The following NMNAT2 variants were observed in gnomAD, a reference collection of about 807,000 sequenced individuals.
NMNAT2 encodes the protein nicotinamide/nicotinic acid mononucleotide adenylyltransferase 2.
A neutral mutation model predicts 41.6 loss-of-function variants in NMNAT2; 11 were observed. The observed-to-expected ratio is 0.26, with a 90% CI of 0.17 to 0.44. NMNAT2 has a LOEUF of 0.44. Among genes scored for constraint, NMNAT2 ranks in the 20% least tolerant of loss-of-function variants. NMNAT2 has a pLI of 1.00. For missense variants in NMNAT2, 288 were observed against 407.7 expected (o/e 0.71, Z 2.53); for synonymous variants, 148 against 151.2 (o/e 0.98, Z 0.16).
intron 1 of NMNAT2, among the ~76,000 whole-genome samples, chr1:183,395,742 C>A (rs149277573): frequency 6.6e-6 from 1 of 152,270 alleles, no homozygotes; most frequent in East Asian, 1.9e-4. Flanking sequence ...GGAGGTGTTA[C>A]ACTTTTTACA....
At chr1:183,380,062 A>G (rs1663770709) in intron 1 of NMNAT2, among the ~76,000 whole-genome samples, 1 of 152,210 alleles carries the variant, frequency 6.6e-6, no homozygotes, top group South Asian at 2.1e-4. Context: ...TGGGTTTACC[A>G]TAGGGTTATT....
At chr1:183,260,924 A>G in intron 10 of NMNAT2, 78 bp downstream of exon 10, 1 of 1,136,846 alleles carries the variant, frequency 8.8e-7, no homozygotes, top group Non-Finnish European at 1.3e-6. Context: ...TCTTAGGGTC[A>G]TCTTTGATGG....
chr1:183,370,993 C>T (rs1171648798), intron 1 of NMNAT2, among the ~76,000 whole-genome samples: 3 of 152,076 alleles, frequency 2.0e-5, no homozygotes, highest in Non-Finnish European at 4.4e-5. Context: ...GACCACGGTG[C>T]GCCGCATGTT....
At chr1:183,277,051 A>C (rs1661139135) in intron 8 of NMNAT2, among the ~76,000 whole-genome samples, 1 of 152,122 alleles carries the variant, frequency 6.6e-6, no homozygotes, top group Non-Finnish European at 1.5e-5. Context: ...TTCACTTATT[A>C]TCTTTGCTGA....
At chr1:183,278,527 T>C in intron 8 of NMNAT2, 26 bp downstream of exon 8, 1 of 1,553,702 alleles carries the variant, frequency 6.4e-7, no homozygotes, top group Non-Finnish European at 8.9e-7. Context: ...CCCAGCTGGG[T>C]GCCAGGCAAT....
At chr1:183,303,241 G>C (rs1352087099) in intron 1 of NMNAT2, among the ~76,000 whole-genome samples, 1 of 152,188 alleles carries the variant, frequency 6.6e-6, no homozygotes, top group African/African-American at 2.4e-5. Context: ...AGGGGAAGAG[G>C]CTAGCTGAGA....
chr1:183,351,319 A>G lies in NMNAT2; in HGVS notation c.86-57526T>C, dbSNP rs1663042306. ...CCCAACCTTCCCCTTACAATTCTTC[A>G]TATGGGCCACAGGGCTCAGCTTTTT... On this transcript the variant is annotated intron_variant, in intron 1 of 10. Transcript: ENST00000287713. Among the ~76,000 whole-genome samples, 8 of 152,166 alleles carry G rather than the reference A, an allele frequency of 5.3e-5. 1 individual carries two copies. The South Asian group carries it at 1.7e-3, about 32-fold the overall frequency.
intron 1 of NMNAT2, among the ~76,000 whole-genome samples, chr1:183,331,303 C>T (rs759439273): frequency 6.6e-6 from 1 of 152,144 alleles, no homozygotes; most frequent in Non-Finnish European, 1.5e-5. Flanking sequence ...GTTGCCAAAG[C>T]CTGTTTTTCA....
In NMNAT2 at chr1:183,403,272, A is replaced by T. The variant is rs1289815112; in HGVS notation, c.85+14911T>A. Among the ~76,000 whole-genome samples the T allele has an allele frequency of 3.3e-5, 5 of 152,196 alleles. No homozygotes were observed. The East Asian group carries it at 9.7e-4, about 29-fold the overall frequency. ...TCTTATTCCTCTTTTCTCCCTCCCAAACTTTTCAAGGCTGCAGAAACATGT... is the reference window on the plus strand; with the variant it reads ...TCTTATTCCTCTTTTCTCCCTCCCATACTTTTCAAGGCTGCAGAAACATGT... On this transcript the variant is annotated intron_variant, in intron 1 of 10. Transcript: ENST00000287713.
At chr1:183,346,900 C>G (rs1229478815) in intron 1 of NMNAT2, among the ~76,000 whole-genome samples, 1 of 152,120 alleles carries the variant, frequency 6.6e-6, no homozygotes, top group Non-Finnish European at 1.5e-5. Context: ...AGTCATTTCT[C>G]ACCCCTTTTC....
intron 10 of NMNAT2, among the ~76,000 whole-genome samples, chr1:183,256,731 C>G (rs936234104): frequency 2.0e-5 from 3 of 152,150 alleles, no homozygotes; most frequent in Non-Finnish European, 2.9e-5. Context: ...TACATCAATG[C>G]TCATCAGAAA....
intron 1 of NMNAT2, among the ~76,000 whole-genome samples, chr1:183,357,476 G>A (rs1260658341): frequency 2.6e-5 from 4 of 151,952 alleles, no homozygotes; most frequent in South Asian, 2.1e-4. Context: ...TGATCCACCC[G>A]CCTTGGCCTC....
intron 1 of NMNAT2, among the ~76,000 whole-genome samples, chr1:183,383,092 C>T (rs1362343534): frequency 1.3e-5 from 2 of 152,250 alleles, no homozygotes; most frequent in Admixed American, 6.5e-5. Context: ...CAAGCCTCAA[C>T]TCTTGTCCTC....
At chr1:183,417,019 T>TTCCCTACTCCTCGCTTC (rs1470306548) in intron 1 of NMNAT2, among the ~76,000 whole-genome samples, 1 of 152,154 alleles carries the variant, frequency 6.6e-6, no homozygotes, top group Non-Finnish European at 1.5e-5. Flanking sequence ...CCACTCGCTT[T>TTCCCTACTCCTCGCTTC]TCCCTACTCC....
intron 1 of NMNAT2, among the ~76,000 whole-genome samples, chr1:183,294,520 T>C (rs1406638846): frequency 1.3e-5 from 2 of 152,170 alleles, no homozygotes; most frequent in Non-Finnish European, 2.9e-5. Flanking sequence ...GGGCCGGGTG[T>C]GGTGGCTCAC....
intron 1 of NMNAT2, among the ~76,000 whole-genome samples, chr1:183,333,851 T>C (rs1662631934): frequency 6.6e-6 from 1 of 152,202 alleles, no homozygotes. Flanking sequence ...TCCTGACTTA[T>C]AAATGCTGCC....
At chr1:183,363,143 ATTGT>A (rs1358122313) in intron 1 of NMNAT2, among the ~76,000 whole-genome samples, 1 of 152,116 alleles carries the variant, frequency 6.6e-6, no homozygotes, top group Non-Finnish European at 1.5e-5. Context: ...AATTGGGTTA[ATTGT>A]TGGTCTTGGA....
intron 1 of NMNAT2, among the ~76,000 whole-genome samples, chr1:183,353,821 T>C (rs1237282118): frequency 1.3e-5 from 2 of 152,060 alleles, no homozygotes; most frequent in African/African-American, 4.8e-5. Context: ...AACATCCTGT[T>C]CCTGTCCCTG....
intron 8 of NMNAT2, among the ~76,000 whole-genome samples, chr1:183,261,923 A>AT (rs5779161): frequency 1.3e-5 from 2 of 149,918 alleles, no homozygotes; most frequent in African/African-American, 4.9e-5. Context: ...GAGAAATGAA[A>AT]TTTTTTTTTT....
Sources: gnomAD v4.1 joint callset for allele counts (sites outside exome capture counted in the v4.1 genomes callset) on GRCh38, gnomAD v4.1.1 for gene constraint, MANE v1.5 for transcripts, NCBI Gene and HGNC (gene_info 2026-07-23, HGNC 2026-07-21) for gene names.